MS4A1: variants seen among roughly 807,000 people sequenced by gnomAD.
The protein encoded by MS4A1 is membrane spanning 4-domains A1.
In MS4A1, 16 loss-of-function variants were observed where a neutral mutation model predicts 26.5. That is an observed-to-expected ratio of 0.60 (90% CI 0.41 to 0.92). The LOEUF is 0.92. MS4A1 is among the 40% of genes least tolerant of loss of function. The probability of loss-of-function intolerance (pLI) is 0.00; values close to 1 mark genes in which losing one functional copy is unlikely to be tolerated. For synonymous variants in MS4A1, 128 were observed against 117.6 expected (o/e 1.09, Z -0.57); for missense variants, 350 against 353.0 (o/e 0.99, Z 0.07).
Position 60,466,101 on chromosome 11 carries a change from T to G in MS4A1, c.517T>G (p.Ser173Ala). ...ATACAACTGTGAACCAGCTAATCCCTCTGAGAAAAACTCCCCATCTACCCA... is the reference window on the plus strand; with the variant it reads ...ATACAACTGTGAACCAGCTAATCCCGCTGAGAAAAACTCCCCATCTACCCA... ...NIYNCEPANP[S>A]EKNSPSTQYC... is the part of the protein sequence containing the mutation. The change falls in exon 6 of 8, where the codon TCT (serine) becomes GCT (alanine). Residue 173 changes from serine (S) to alanine (A), a missense_variant. Ser to Ala is a moderately conservative substitution (Grantham distance 99). Transcript: ENST00000345732. 1 of 1,613,936 alleles carries G rather than the reference T, an allele frequency of 6.2e-7. No individual in the cohort carries two copies. Among genetic ancestry groups the G allele is most frequent in the Non-Finnish European group, 8.5e-7 (1 of 1,179,862 alleles).
intron 1 of MS4A1, among the ~76,000 whole-genome samples, chr11:60,460,327 C>T (rs75147085): frequency 0.014 from 2,140 of 152,296 alleles, 53 homozygotes; most frequent in African/African-American, 0.048. Context: ...CCCTTGTTTC[C>T]TCTTCTATAA....
At position 60,468,260 on chromosome 11, in the gene MS4A1, T is replaced by C. The variant is rs200395483; in HGVS notation, c.686T>C (p.Leu229Pro). Reference protein sequence around the residue: ...TCSRPKSNIVLLSAEEKKEQT... With the variant: ...TCSRPKSNIVPLSAEEKKEQT... ...AATTTTCTGTTTTAGAACATAGTTC[T>C]CCTGTCAGCAGAAGAAAAAAAAGAA... The change falls in exon 8 of 8, where the codon CTC (leucine) becomes CCC (proline). Residue 229 changes from leucine to proline, a missense_variant. Coordinates refer to ENST00000345732, the MANE Select transcript of MS4A1 (RefSeq NM_152866.3). The C allele has an allele frequency of 5.6e-6, 9 of 1,612,028 alleles. No individual in the cohort carries two copies. The highest frequency in any genetic ancestry group is 7.6e-6 in the Non-Finnish European group (9 of 1,178,698).
In MS4A1 at chr11:60,463,234, TA is replaced by T. The variant is rs1282480079; in HGVS notation, c.279+114del. On this transcript the variant is annotated intron_variant, in intron 4 of 7. Coordinates refer to ENST00000345732, the MANE Select transcript of MS4A1 (RefSeq NM_152866.3). ...TTGAGGGAAATATATGAGTAGGAAA[TA>T]TTATTGGGTTAAAGTAATTAAGAAG... 13 of 1,462,510 alleles carry T rather than the reference TA, an allele frequency of 8.9e-6. No individual in the cohort carries two copies. In the African/African-American group the frequency reaches 1.1e-4, roughly 12 times the overall value. The allele number at this position is 1,462,510 out of a possible 1,614,324, so 90.6% of individuals were successfully genotyped here.
rs1208394276 is a variant in MS4A1 at position 60,466,968 on chromosome 11, T to C, written c.583T>C (p.Ser195Pro). 3.1e-6 allele frequency: 5 copies of C among 1,614,052 alleles called. No individual in the cohort carries two copies. The highest frequency in any genetic ancestry group is 4.2e-6 in the Non-Finnish European group (5 of 1,180,012). ...SIQSLFLGIL[S>P]VMLIFAFFQE... ...TTCTGTTGTTTTTCAGGGCATTTTG[T>C]CAGTGATGCTGATCTTTGCCTTCTT... The change falls in exon 7 of 8, where the codon TCA (serine) becomes CCA (proline). Residue 195 changes from serine (S) to proline (P), a missense_variant. Ser to Pro is a moderately conservative substitution (Grantham distance 74, BLOSUM62 -1). Transcript: ENST00000345732.
intron 1 of MS4A1, among the ~76,000 whole-genome samples, chr11:60,457,534 C>A (rs915485653): frequency 2.6e-5 from 4 of 151,954 alleles, no homozygotes; most frequent in Non-Finnish European, 5.9e-5. Context: ...GAAAAAAGAC[C>A]CACATGCAAA....
chr11:60,461,426 A>G lies in MS4A1; in HGVS notation c.-191+266A>G, dbSNP rs75810098. Among the ~76,000 whole-genome samples, 927 of 151,356 alleles carry G rather than the reference A, an allele frequency of 6.1e-3. 12 individuals carry two copies. The highest frequency in any genetic ancestry group is 0.021 in the African/African-American group (856 of 41,108). Reference sequence around the variant, plus strand: ...CCAGAGAATTTAAAGAACTTGCCCAACATCTCAGAACAAATGGAGGAATCA... The same window carrying G: ...CCAGAGAATTTAAAGAACTTGCCCAGCATCTCAGAACAAATGGAGGAATCA... On this transcript the variant is annotated intron_variant, in intron 2 of 7. Transcript: ENST00000345732.
Position 60,467,065 on chromosome 11 carries a change from G to T in MS4A1, c.675+5G>T, listed in dbSNP as rs1420221458. 2 of 1,612,802 alleles carry T rather than the reference G, an allele frequency of 1.2e-6. No individual in the cohort carries two copies. Among genetic ancestry groups the T allele is most frequent in the Non-Finnish European group, 1.7e-6 (2 of 1,178,870 alleles). On this transcript the variant is annotated splice_donor_5th_base_variant and intron_variant, in intron 7 of 7. Transcript: ENST00000345732. ...ACGTGCTCCAGACCCAAATCTGTAA[G>T]TAGTAGCCCCTCTGGCCAAAACCTC...
chr11:60,465,221 G>A (rs1371036096), intron 5 of MS4A1, among the ~76,000 whole-genome samples: 1 of 152,186 alleles, frequency 6.6e-6, no homozygotes, highest in Non-Finnish European at 1.5e-5. Context: ...TATCATTATG[G>A]TACTTGTTAT....
Position 60,470,662 on chromosome 11 carries a change from T to C in MS4A1, c.*2194T>C, listed in dbSNP as rs996699100. On this transcript the variant is annotated 3_prime_UTR_variant, in exon 8 of 8. Transcript: ENST00000345732. ...GCTTTGCCAAGAAGTAGAAGATATATTCTCTAGCCTTAGTTTTTCCTCCCA... is the reference window on the plus strand; with the variant it reads ...GCTTTGCCAAGAAGTAGAAGATATACTCTCTAGCCTTAGTTTTTCCTCCCA... The C allele has an allele frequency of 6.6e-6, 1 of 152,004 alleles. No individual in the cohort carries two copies. The highest frequency in any genetic ancestry group is 1.5e-5 in the Non-Finnish European group (1 of 67,876). 9.4% of individuals were successfully genotyped at this position (152,004 alleles called of 1,614,324 possible).
chr11:60,468,134 A>T, intron 7 of MS4A1, 116 bp from the exon 8 acceptor site: 1 of 997,706 alleles, frequency 1.0e-6, no homozygotes, highest in Non-Finnish European at 1.5e-6. Flanking sequence ...AAGGCATATA[A>T]TAAATGACAT....
At chr11:60,457,302 A>G (rs560741500) in intron 1 of MS4A1, among the ~76,000 whole-genome samples, 3 of 152,318 alleles carry the variant, frequency 2.0e-5, no homozygotes, top group Admixed American at 6.5e-5. Context: ...TTGGGAAGTC[A>G]TACAGGGCTG....
intron 1 of MS4A1, among the ~76,000 whole-genome samples, chr11:60,458,442 A>C (rs543882644): frequency 6.6e-6 from 1 of 152,306 alleles, no homozygotes; most frequent in East Asian, 1.9e-4. Flanking sequence ...TTTAAAAATA[A>C]AAAAATATTT....
chr11:60,462,870 C>A, intron 3 of MS4A1, 132 bp from the exon 4 acceptor site: 1 of 1,368,742 alleles, frequency 7.3e-7, no homozygotes, highest in South Asian at 1.2e-5. Flanking sequence ...AGACAAAATT[C>A]TTGGCACCTC....
At chr11:60,465,251 C>A (rs371094986) in intron 5 of MS4A1, among the ~76,000 whole-genome samples, 4 of 152,198 alleles carry the variant, frequency 2.6e-5, no homozygotes, top group South Asian at 2.1e-4. Context: ...CCTGTTTCAA[C>A]CTTTTATCAT....
At position 60,462,555 on chromosome 11, in the gene MS4A1, C is replaced by G. The variant is rs199900525; in HGVS notation, c.159+22C>G. ...GGGGGTAAGTCAGTTGCCTTCCATC[C>G]CATGTCGTAGGGATTCTCTGGCTGA... is the stretch of plus-strand genomic sequence containing the variant. On this transcript the variant is annotated intron_variant, in intron 3 of 7. Coordinates refer to ENST00000345732, the MANE Select transcript of MS4A1 (RefSeq NM_152866.3). The G allele has an allele frequency of 9.3e-6, 15 of 1,614,040 alleles. No homozygotes were observed. The African/African-American group carries it at 1.9e-4, about 20-fold the overall frequency.
rs1485147608 is a variant in MS4A1 at position 60,468,306 on chromosome 11, A to C, written c.732A>C (p.Glu244Asp). ...EKKEQTIEIK[E>D]EVVGLTETSS... ...AAGAACAGACTATTGAAATAAAAGA[A>C]GAAGTGGTTGGGCTAACTGAAACAT... The change falls in exon 8 of 8, where the codon GAA (glutamate) becomes GAC (aspartate). Residue 244 changes from glutamate to aspartate, a missense_variant. By Grantham distance (45) the Glu-to-Asp change is conservative. Coordinates refer to ENST00000345732, the MANE Select transcript of MS4A1 (RefSeq NM_152866.3). 1.9e-6 allele frequency: 3 copies of C among 1,613,916 alleles called. No individual in the cohort carries two copies. Among genetic ancestry groups the C allele is most frequent in the Non-Finnish European group, 2.5e-6 (3 of 1,179,946 alleles).
chr11:60,468,000 A>G (rs886796656), intron 7 of MS4A1, among the ~76,000 whole-genome samples: 1 of 152,222 alleles, frequency 6.6e-6, no homozygotes, highest in South Asian at 2.1e-4. Flanking sequence ...TCTTTTCCCA[A>G]TACCACGTGG....
At chr11:60,466,854 G>A in intron 6 of MS4A1, 105 bp from the exon 7 acceptor site, 1 of 1,083,830 alleles carries the variant, frequency 9.2e-7, no homozygotes, top group South Asian at 1.3e-5. Context: ...CTAAAGAATT[G>A]ATCTCTTAAT....
Position 60,467,052 on chromosome 11 carries a change from C to A in MS4A1, c.667C>A (p.Pro223Thr). Reference protein sequence around the residue: ...ENEWKRTCSRPKSNIVLLSAE... With the variant: ...ENEWKRTCSRTKSNIVLLSAE... ...TGAATGGAAAAGAACGTGCTCCAGA[C>A]CCAAATCTGTAAGTAGTAGCCCCTC... Residue 223 changes from proline to threonine, a missense_variant, in exon 7 of 8, where the codon CCC (proline) becomes ACC (threonine). Pro to Thr is a conservative substitution (Grantham distance 38). Coordinates refer to ENST00000345732, the MANE Select transcript of MS4A1 (RefSeq NM_152866.3). 6.2e-7 allele frequency: 1 copy of A among 1,613,962 alleles called. No homozygotes were observed. Among genetic ancestry groups the A allele is most frequent in the Non-Finnish European group, 8.5e-7 (1 of 1,179,900 alleles).
Sources: allele counts gnomAD v4.1 joint callset (sites outside exome capture counted in the v4.1 genomes callset), GRCh38; gene constraint gnomAD v4.1.1; transcripts MANE v1.5; gene names NCBI Gene and HGNC (gene_info 2026-07-23, HGNC 2026-07-21).